The following LIN9 variants were observed in gnomAD, a reference collection of about 807,000 sequenced individuals.
The protein encoded by LIN9 is lin-9 DREAM MuvB core complex component.
In LIN9, 18 loss-of-function variants were observed where a neutral mutation model predicts 78.0. That is an observed-to-expected ratio of 0.23 (90% confidence interval 0.16 to 0.34). The LOEUF is 0.34. Among genes scored for constraint, LIN9 ranks in the 10% least tolerant of loss-of-function variants. LIN9 has a pLI of 1.00. For synonymous variants in LIN9, 192 were observed against 215.2 expected (o/e 0.89, Z 0.94); for missense variants, 451 against 644.1 (o/e 0.70, Z 3.25).
chr1:226,270,355 T>C (rs1660184994), intron 7 of LIN9, among the ~76,000 whole-genome samples: 1 of 151,996 alleles, frequency 6.6e-6, no homozygotes, highest in East Asian at 1.9e-4. Flanking sequence ...TTAAAGCAAA[T>C]CCAACAACTC....
chr1:226,289,655 C>G (rs559913914), intron 4 of LIN9, among the ~76,000 whole-genome samples: 1 of 152,110 alleles, frequency 6.6e-6, no homozygotes, highest in African/African-American at 2.4e-5. Flanking sequence ...AGCTGCCATG[C>G]CCAGCCAAAA....
intron 4 of LIN9, among the ~76,000 whole-genome samples, chr1:226,292,633 A>AT (rs200219550): frequency 2.6e-5 from 4 of 151,440 alleles, no homozygotes; most frequent in African/African-American, 4.9e-5. Context: ...TTTAAAAAAA[A>AT]TTTTTTTTGT....
rs749630008 is a variant in LIN9, at chr1:226,238,971, C to G, written c.1245G>C (p.Glu415Asp). Reference protein sequence around the residue: ...VLHKVQQYCYELAPDQGLQPA... With the variant: ...VLHKVQQYCYDLAPDQGLQPA... ...AGGGAAATCTATACATATCACTTAC[C>G]TCATAGCAATACTGTTGAACTTTAT... Residue 415 changes from glutamate (E) to aspartate (D), a missense_variant and splice_region_variant, in exon 12 of 15, where the codon GAG becomes GAC. Transcript: ENST00000681046. The G allele has an allele frequency of 6.2e-7, 1 of 1,612,314 alleles. No homozygotes were observed. Among genetic ancestry groups the G allele is most frequent in the South Asian group, 1.1e-5 (1 of 90,800 alleles).
chr1:226,283,953 G>A (rs369697729), intron 6 of LIN9, among the ~76,000 whole-genome samples: 211 of 151,284 alleles, frequency 1.4e-3, no homozygotes, highest in African/African-American at 4.7e-3. Context: ...AAAAAAAAAA[G>A]AGAGAGAGAG....
At chr1:226,277,518 A>C (rs1660744046) in intron 7 of LIN9, among the ~76,000 whole-genome samples, 2 of 152,346 alleles carry the variant, frequency 1.3e-5, no homozygotes, top group South Asian at 4.1e-4. Context: ...ACGTGTAAAC[A>C]CATTCTAGTG....
intron 1 of LIN9, among the ~76,000 whole-genome samples, chr1:226,307,605 C>G (rs763836523): frequency 1.4e-4 from 21 of 152,186 alleles, no homozygotes; most frequent in Non-Finnish European, 2.4e-4. Context: ...CATTGCACCC[C>G]AGCCTGGGCA....
chr1:226,239,216 G>T, intron 11 of LIN9, 120 bp from the exon 12 acceptor site: 1 of 951,384 alleles, frequency 1.1e-6, no homozygotes, highest in Non-Finnish European at 1.6e-6. Context: ...AAATTTGTCT[G>T]TTTTAATTGT....
At chr1:226,300,484 G>A (rs1032497407) in intron 2 of LIN9, among the ~76,000 whole-genome samples, 7 of 152,170 alleles carry the variant, frequency 4.6e-5, no homozygotes, top group Non-Finnish European at 8.8e-5. Flanking sequence ...CCAGGAGGTC[G>A]AGGCTACAGT....
At chr1:226,309,244 G>GGCGCC (rs1663135694), upstream of LIN9, 6 of 1,360,304 alleles carry the variant, frequency 4.4e-6, no homozygotes, top group Non-Finnish European at 5.8e-6. Flanking sequence ...CGCTGCCCGC[G>GGCGCC]GCGCCGCGCT....
At chr1:226,279,167 A>C (rs1037939104) in intron 6 of LIN9, among the ~76,000 whole-genome samples, 2 of 151,412 alleles carry the variant, frequency 1.3e-5, no homozygotes, top group Non-Finnish European at 2.9e-5. Flanking sequence ...TCTTGGGGGA[A>C]AAAAAAATTG....
intron 10 of LIN9, among the ~76,000 whole-genome samples, chr1:226,258,027 A>G (rs1037868361): frequency 6.6e-6 from 1 of 152,118 alleles, no homozygotes; most frequent in South Asian, 2.1e-4. Context: ...TATACAAAAA[A>G]TACAAAAATT....
chr1:226,266,644 T>C (rs1352572564), intron 8 of LIN9, among the ~76,000 whole-genome samples: 1 of 152,078 alleles, frequency 6.6e-6, no homozygotes, highest in Non-Finnish European at 1.5e-5. Context: ...TAAAGTTTTC[T>C]ATGGCCACAT....
chr1:226,243,811 CA>C (rs1480409950), intron 11 of LIN9, among the ~76,000 whole-genome samples: 10 of 151,016 alleles, frequency 6.6e-5, no homozygotes, highest in Admixed American at 6.6e-4. Flanking sequence ...ACATGAAACT[CA>C]ATAAGAATGG....
chr1:226,254,444 TTAAAA>T (rs1359005288), intron 10 of LIN9, among the ~76,000 whole-genome samples: 1 of 152,210 alleles, frequency 6.6e-6, no homozygotes, highest in Non-Finnish European at 1.5e-5. Context: ...CTTAAGTATC[TTAAAA>T]TAATAGTGGA....
Position 226,287,439 on chromosome 1 carries a change from G to A in LIN9, c.398+225C>T, listed in dbSNP as rs539067335. Among the ~76,000 whole-genome samples, 23 of 152,140 alleles carry A rather than the reference G, an allele frequency of 1.5e-4. No individual in the cohort carries two copies. The South Asian group carries it at 1.7e-3, about 11-fold the overall frequency. On this transcript the variant is annotated intron_variant, in intron 5 of 14. Transcript: ENST00000681046. ...AGAATTCTAACACAGAAATTATACC[G>A]TAATCAATTCTTCACAAAAATGTAC...
In LIN9 at chr1:226,285,075, G is replaced by A. The variant is rs188754087; in HGVS notation, c.524+1258C>T. On this transcript the variant is annotated intron_variant, in intron 6 of 14. Coordinates refer to ENST00000681046, the MANE Select transcript of LIN9 (RefSeq NM_001366245.2). Reference sequence around the variant, plus strand: ...ATTAATTAACCTTGATGAATTAAAGGACTATAAGATTAAATAATGTTATGG... The same window carrying A: ...ATTAATTAACCTTGATGAATTAAAGAACTATAAGATTAAATAATGTTATGG... Among the ~76,000 whole-genome samples the A allele has an allele frequency of 5.3e-4, 80 of 152,128 alleles. 1 individual carries two copies. The highest frequency in any genetic ancestry group is 1.8e-3 in the African/African-American group (74 of 41,490).
At chr1:226,309,237 T>A, upstream of LIN9, 1 of 1,385,160 alleles carries the variant, frequency 7.2e-7, no homozygotes, top group Non-Finnish European at 9.5e-7. Flanking sequence ...CGGAGCTCGC[T>A]GCCCGCGGCG....
At chr1:226,269,503 G>A (rs946002848) in intron 7 of LIN9, among the ~76,000 whole-genome samples, 1 of 152,188 alleles carries the variant, frequency 6.6e-6, no homozygotes, top group Non-Finnish European at 1.5e-5. Flanking sequence ...AGAAGTGCTA[G>A]AGCTTCAGGT....
chr1:226,238,291 A>T (rs924567860), intron 12 of LIN9, among the ~76,000 whole-genome samples: 5 of 152,186 alleles, frequency 3.3e-5, no homozygotes, highest in Admixed American at 1.3e-4. Context: ...TTTAAAAAAC[A>T]AAAACAAAAA....
Sources: gnomAD v4.1 joint callset for allele counts (sites outside exome capture counted in the v4.1 genomes callset) on GRCh38, gnomAD v4.1.1 for gene constraint, MANE v1.5 for transcripts, NCBI Gene and HGNC (gene_info 2026-07-23, HGNC 2026-07-21) for gene names.